The following GPRC5C variants were observed in gnomAD, a reference collection of about 807,000 sequenced individuals.
GPRC5C encodes the protein G protein-coupled receptor class C group 5 member C.
In GPRC5C, 22 loss-of-function variants were observed where a neutral mutation model predicts 31.4. The observed-to-expected ratio is 0.70, with a 90% CI of 0.50 to 1.00. The LOEUF (loss-of-function observed/expected upper bound fraction) is 1.00, where lower values mean the gene tolerates loss of function less well. GPRC5C is among the 50% of genes least tolerant of loss of function. GPRC5C has a pLI of 0.00. For missense variants in GPRC5C, 557 were observed against 597.2 expected, an observed-to-expected ratio of 0.93 and a Z score of 0.70; for synonymous variants, 249 against 257.5, an observed-to-expected ratio of 0.97 and a Z score of 0.32.
In GPRC5C at chr17:74,447,403, C is replaced by T; in HGVS notation, c.*375C>T. The T allele has an allele frequency of 1.0e-6, 1 of 990,284 alleles. No individual in the cohort carries two copies. The highest frequency in any genetic ancestry group is 4.7e-5 in the South Asian group (1 of 21,340). The allele number at this position is 990,284 out of a possible 1,614,324, so 61.3% of individuals were successfully genotyped here. The stretch of plus-strand genomic sequence containing the variant: ...GCTCCTCTGTGAGGAACAAGGGTGC[C>T]TAATAAATACATTTCTGCTTTATTA... On this transcript the variant is annotated 3_prime_UTR_variant, in exon 4 of 4. Transcript: ENST00000392627.
chr17:74,449,008 C>A (rs749983419), downstream of GPRC5C: 2 of 780,322 alleles, frequency 2.6e-6, no homozygotes, highest in Non-Finnish European at 3.8e-6. Flanking sequence ...TGCCAGGGGG[C>A]TGCCAGGCCG....
At position 74,440,628 on chromosome 17, in the gene GPRC5C, C is replaced by G. The variant is rs746327830; in HGVS notation, c.852C>G (p.Leu284=). 1.2e-6 allele frequency: 2 copies of G among 1,607,960 alleles called. No homozygotes were observed. Among genetic ancestry groups the G allele is most frequent in the Non-Finnish European group, 1.7e-6 (2 of 1,175,022 alleles). ...ATGACCCCACGCTGGCCATCGCCCT[C>G]GCCGCCAATGCCTGGGCCTTCGTCC... ...TWDDPTLAIA[L]AANAWAFVLF... is the part of the protein sequence containing the mutation. The change falls in exon 2 of 4, where the codon CTC becomes CTG. Residue 284 remains leucine, a synonymous_variant. Transcript: ENST00000392627. The surrounding 1 kb of genome is among the most constrained non-coding windows in gnomAD (Gnocchi z 4.4).
chr17:74,441,301 T>A (rs1227215024), intron 2 of GPRC5C, among the ~76,000 whole-genome samples: 1 of 152,082 alleles, frequency 6.6e-6, no homozygotes, highest in Non-Finnish European at 1.5e-5. Flanking sequence ...AATAAGATTT[T>A]TTTTCTATAT....
chr17:74,446,720 G>T (rs938344015), intron 3 of GPRC5C, 129 bp from the exon 4 acceptor site: 16 of 723,910 alleles, frequency 2.2e-5, no homozygotes, highest in African/African-American at 1.1e-4. Flanking sequence ...GCCAGAGGGG[G>T]CAGAGGAGCC....
intron 1 of GPRC5C, among the ~76,000 whole-genome samples, chr17:74,433,399 G>C (rs985358384): frequency 6.6e-6 from 1 of 152,014 alleles, no homozygotes; most frequent in Admixed American, 6.5e-5. Flanking sequence ...CGGGGCAGGG[G>C]CAGGGGGATA....
rs781346447 is a variant in GPRC5C at position 74,440,505 on chromosome 17, C to T, written c.729C>T (p.Val243=). 1.2e-6 allele frequency: 2 copies of T among 1,614,168 alleles called. No individual in the cohort carries two copies. The highest frequency in any genetic ancestry group is 4.5e-5 in the East Asian group (2 of 44,882). ...GRYKRWRKHG[V]FVLLTTATSV... is the part of the protein sequence containing the mutation. The stretch of plus-strand genomic sequence containing the variant: ...ACAAGCGCTGGCGTAAGCATGGGGT[C>T]TTTGTGCTCCTCACCACAGCCACCT... The change falls in exon 2 of 4, where the codon GTC becomes GTT. Residue 243 remains valine, a synonymous_variant. Transcript: ENST00000392627. This position sits in a 1 kb window ranked among gnomAD's most constrained non-coding sequence, Gnocchi z 4.4.
rs558671895 is a variant in GPRC5C, at chr17:74,435,226, G to GA, written c.-33+3095dup. Among the ~76,000 whole-genome samples the GA allele has an allele frequency of 3.1e-4, 46 of 147,878 alleles. No homozygotes were observed. The East Asian group carries it at 3.4e-3, about 11-fold the overall frequency. On this transcript the variant is annotated intron_variant, in intron 1 of 3. Coordinates refer to ENST00000392627, the MANE Select transcript of GPRC5C (RefSeq NM_022036.4). Reference sequence around the variant, plus strand: ...AGAGCGAGACTCCGTCTCAAAAAAAGAAAAAAAAAAGGCATTGGCTGAATG... The same window carrying GA: ...AGAGCGAGACTCCGTCTCAAAAAAAGAAAAAAAAAAAGGCATTGGCTGAATG...
At chr17:74,446,623 G>A in intron 3 of GPRC5C, 2 of 548,306 alleles carry the variant, frequency 3.6e-6, no homozygotes, top group Non-Finnish European at 3.3e-6. Flanking sequence ...CACCATCCAA[G>A]GTCAGCAGGG....
chr17:74,439,746 G>C lies in GPRC5C; in HGVS notation c.-31G>C. 6.2e-7 allele frequency: 1 copy of C among 1,603,212 alleles called. No individual in the cohort carries two copies. The highest frequency in any genetic ancestry group is 8.5e-7 in the Non-Finnish European group (1 of 1,173,830). The stretch of plus-strand genomic sequence containing the variant: ...TGTCCCTTTTCCTTCTGTCTCTAGG[G>C]ACCCAACCAGAGCCTGGCCTGGGAG... On this transcript the variant is annotated splice_region_variant and 5_prime_UTR_variant, in exon 2 of 4. Transcript: ENST00000392627.
At chr17:74,432,600 C>A in intron 1 of GPRC5C, 1 of 790,834 alleles carries the variant, frequency 1.3e-6, no homozygotes, top group Non-Finnish European at 1.5e-6. Context: ...AGGGCAGAGG[C>A]GGGGGGACTG....
chr17:74,437,588 T>C (rs576906178), intron 1 of GPRC5C, among the ~76,000 whole-genome samples: 1 of 152,214 alleles, frequency 6.6e-6, no homozygotes, highest in Non-Finnish European at 1.5e-5. Context: ...GCATTGCCCC[T>C]GATTTAGTAA....
chr17:74,447,603 G>A (rs530943472), downstream of GPRC5C, among the ~76,000 whole-genome samples: 1 of 152,180 alleles, frequency 6.6e-6, no homozygotes, highest in African/African-American at 2.4e-5. Flanking sequence ...CCAGTGAGTG[G>A]TTCTTTAGCA....
downstream of GPRC5C, chr17:74,449,532 G>C (rs1342076996): frequency 2.8e-6 from 1 of 351,804 alleles, no homozygotes; most frequent in African/African-American, 2.2e-5. Context: ...CCCTGAGTGT[G>C]TGACTGGAGC....
downstream of GPRC5C, chr17:74,448,989 T>G (rs1157506137): frequency 1.0e-6 from 1 of 982,476 alleles, no homozygotes; most frequent in Non-Finnish European, 1.4e-6. Context: ...GGACGCTGGC[T>G]CAAGACTTTG....
At position 74,447,118 on chromosome 17, in the gene GPRC5C, C is replaced by A. The variant is rs967697598; in HGVS notation, c.*90C>A. The A allele has an allele frequency of 4.0e-6, 6 of 1,509,872 alleles. No individual in the cohort carries two copies. The highest frequency in any genetic ancestry group is 2.2e-5 in the Admixed American group (1 of 45,588). The allele number at this position is 1,509,872 out of a possible 1,614,324, so 93.5% of individuals were successfully genotyped here. On this transcript the variant is annotated 3_prime_UTR_variant, in exon 4 of 4. Transcript: ENST00000392627. ...GGGACTCTCCAGGCTCCTCCTCCCC[C>A]TGGCAGGCCCAGCAACATGTGCCCC...
At chr17:74,434,270 C>T (rs914865157) in intron 1 of GPRC5C, among the ~76,000 whole-genome samples, 1 of 152,162 alleles carries the variant, frequency 6.6e-6, no homozygotes, top group Non-Finnish European at 1.5e-5. Context: ...CTCCTACCCC[C>T]CTCCTTGAAC....
chr17:74,449,569 C>T, downstream of GPRC5C: 1 of 287,388 alleles, frequency 3.5e-6, no homozygotes, highest in Non-Finnish European at 7.1e-6. Flanking sequence ...CTTTCCTGCC[C>T]AGCCCATCTT....
chr17:74,443,556 T>TG (rs2055576799), intron 2 of GPRC5C: 1 of 626,710 alleles, frequency 1.6e-6, no homozygotes. Flanking sequence ...GGTCAGGGGC[T>TG]GGGGTGTCTA....
chr17:74,447,481 C>T (rs375378516), downstream of GPRC5C: 8 of 395,486 alleles, frequency 2.0e-5, no homozygotes, highest in African/African-American at 2.2e-5. Context: ...TTCTGATGAA[C>T]GTCTCCTCCA....
Sources: gnomAD v4.1 joint callset for allele counts (sites outside exome capture counted in the v4.1 genomes callset) on GRCh38, gnomAD v4.1.1 for gene constraint, Gnocchi (gnomAD v3.1) non-coding constraint, MANE v1.5 for transcripts, NCBI Gene and HGNC (gene_info 2026-07-23, HGNC 2026-07-21) for gene names.